The following ABI3BP variants were observed in gnomAD, a reference collection of about 807,000 sequenced individuals.
The protein encoded by ABI3BP is target of Nesh-SH3.
A neutral mutation model predicts 268.6 loss-of-function variants in ABI3BP; 216 were observed. The observed-to-expected ratio is 0.80, with a 90% CI of 0.72 to 0.90. The LOEUF (loss-of-function observed/expected upper bound fraction) is 0.90. Ranked by LOEUF, ABI3BP falls within the 40% of genes least tolerant of loss-of-function variation. ABI3BP has a pLI of 0.00. For missense variants in ABI3BP, 2,090 were observed against 2,182.4 expected (o/e 0.96, Z 0.84); for synonymous variants, 730 against 730.0 (o/e 1.00, Z 0.00).
chr3:100,837,382 T>G lies in ABI3BP; in HGVS notation c.2084-211A>C, dbSNP rs150269556. Reference sequence around the variant, plus strand: ...TGGAATCTTGGGAGAAAATTTCAACTGCAAAACAGTTGGATTCTGAGAACT... The same window carrying G: ...TGGAATCTTGGGAGAAAATTTCAACGGCAAAACAGTTGGATTCTGAGAACT... On this transcript the variant is annotated intron_variant, in intron 26 of 67. Coordinates refer to ENST00000471714, the MANE Select transcript of ABI3BP (RefSeq NM_001375547.2). 1,778 of 455,280 alleles carry G rather than the reference T, an allele frequency of 3.9e-3. 22 individuals carry two copies. The highest frequency in any genetic ancestry group is 0.032 in the African/African-American group (1,594 of 49,206). 28.2% of individuals were successfully genotyped at this position (455,280 alleles called of 1,614,324 possible).
intron 1 of ABI3BP, among the ~76,000 whole-genome samples, chr3:100,992,785 C>T (rs1464699017): frequency 2.1e-4 from 32 of 152,212 alleles, no homozygotes; most frequent in Admixed American, 2.1e-3. Context: ...CCAAACTCCA[C>T]TGGAGGGACG....
chr3:100,860,860 T>A (rs2098990185), intron 14 of ABI3BP, among the ~76,000 whole-genome samples: 1 of 152,152 alleles, frequency 6.6e-6, no homozygotes, highest in African/African-American at 2.4e-5. Flanking sequence ...TTGGCTCAGG[T>A]GCTCCTGAGG....
chr3:100,979,309 C>T (rs1398930220), intron 1 of ABI3BP, among the ~76,000 whole-genome samples: 1 of 152,134 alleles, frequency 6.6e-6, no homozygotes, highest in East Asian at 1.9e-4. Context: ...AATTATCTTC[C>T]ACAACCAGGC....
chr3:100,983,046 G>A (rs922616733), intron 1 of ABI3BP, among the ~76,000 whole-genome samples: 4 of 152,188 alleles, frequency 2.6e-5, no homozygotes, highest in Non-Finnish European at 1.5e-5. Context: ...GTGCACAGTG[G>A]CCTCTCAGGA....
intron 1 of ABI3BP, chr3:100,952,693 A>C (rs1172744632): frequency 6.6e-6 from 1 of 152,206 alleles, no homozygotes; most frequent in African/African-American, 2.4e-5. Flanking sequence ...TGGCTCTTGC[A>C]CAAGAATGAC....
chr3:100,774,692 G>T lies in ABI3BP; in HGVS notation c.4463-19C>A. ...ATATTTTCTGAGAATGGAAAATAAT[G>T]AACAGTTTTGGCAAAAGATAAAAAA... On this transcript the variant is annotated intron_variant, in intron 60 of 67. Coordinates refer to ENST00000471714, the MANE Select transcript of ABI3BP (RefSeq NM_001375547.2). 2 of 1,528,984 alleles carry T rather than the reference G, an allele frequency of 1.3e-6. No individual in the cohort carries two copies. The highest frequency in any genetic ancestry group is 1.2e-5 in the South Asian group (1 of 80,682). 94.7% of individuals were successfully genotyped at this position (1,528,984 alleles called of 1,614,324 possible). A position where few individuals can be genotyped will look rare whatever the true frequency, so the allele number is the denominator to read the frequency against.
intron 51 of ABI3BP, among the ~76,000 whole-genome samples, chr3:100,803,193 T>C (rs2097580575): frequency 6.8e-6 from 1 of 146,306 alleles, no homozygotes. Context: ...TCTCTTACTC[T>C]GCTCGTTCAA....
chr3:100,890,861 T>C (rs2044289737), intron 4 of ABI3BP, among the ~76,000 whole-genome samples: 1 of 152,128 alleles, frequency 6.6e-6, no homozygotes, highest in African/African-American at 2.4e-5. Context: ...AGTTGTCAAA[T>C]CCAAGTATAT....
At chr3:100,918,314 G>A (rs573942094) in intron 2 of ABI3BP, among the ~76,000 whole-genome samples, 5 of 147,058 alleles carry the variant, frequency 3.4e-5, no homozygotes, top group African/African-American at 5.0e-5. Context: ...CCATCCACCC[G>A]TCCACCTGTC....
rs376662738 is a variant in ABI3BP, at chr3:100,770,940, C to T, written c.4544G>A (p.Arg1515Gln). Reference protein sequence around the residue: ...GKPRFKGPHVRYIQKPDNSPC... With the variant: ...GKPRFKGPHVQYIQKPDNSPC... ...ACTGTTGTCAGGCTTTTGGATGTAT[C>T]GCACATGAGGTCCTACGAGAGAGAG... is the stretch of plus-strand genomic sequence containing the variant. Residue 1515 changes from arginine to glutamine, a missense_variant, in exon 62 of 68, where the codon CGA becomes CAA. Physicochemically the swap from Arg to Gln is conservative, Grantham distance 43 (BLOSUM62 1). Transcript: ENST00000471714. 1.5e-5 allele frequency: 24 copies of T among 1,584,792 alleles called. 1 individual carries two copies. The highest frequency in any genetic ancestry group is 9.4e-6 in the Non-Finnish European group (11 of 1,165,174).
At position 100,749,764 on chromosome 3, in the gene ABI3BP, G is replaced by C. The variant is rs2095222507; in HGVS notation, c.*731C>G. 7.5e-6 allele frequency: 3 copies of C among 397,922 alleles called. No homozygotes were observed. Among genetic ancestry groups the C allele is most frequent in the Non-Finnish European group, 8.9e-6 (2 of 225,702 alleles). 24.6% of individuals were successfully genotyped at this position (397,922 alleles called of 1,614,324 possible). On this transcript the variant is annotated 3_prime_UTR_variant, in exon 68 of 68. Coordinates refer to ENST00000471714, the MANE Select transcript of ABI3BP (RefSeq NM_001375547.2). ...AGACGATTGCATAAAGGGATAGTTT[G>C]ACAAAGCATATTCAGATATTGTAAC...
chr3:100,868,447 T>C (rs1298822410), intron 9 of ABI3BP, among the ~76,000 whole-genome samples: 1 of 152,258 alleles, frequency 6.6e-6, no homozygotes, highest in Non-Finnish European at 1.5e-5. Context: ...CAAAATTCTT[T>C]GAACATGTAT....
chr3:100,934,077 C>A (rs1288389208), intron 1 of ABI3BP, among the ~76,000 whole-genome samples: 2 of 151,930 alleles, frequency 1.3e-5, no homozygotes, highest in Non-Finnish European at 2.9e-5. Context: ...TGGTTTGCTG[C>A]ACCTATCAAG....
chr3:100,782,047 A>G (rs2096881418), intron 57 of ABI3BP, among the ~76,000 whole-genome samples: 1 of 152,176 alleles, frequency 6.6e-6, no homozygotes, highest in Non-Finnish European at 1.5e-5. Context: ...TATTCCTCAT[A>G]GTAACTCTGA....
At position 100,770,865 on chromosome 3, in the gene ABI3BP, G is replaced by A. The variant is rs377548768; in HGVS notation, c.4619C>T (p.Thr1540Ile). 1.1e-5 allele frequency: 18 copies of A among 1,604,872 alleles called. No individual in the cohort carries two copies. The African/African-American group carries it at 2.3e-4, about 20-fold the overall frequency. ...TGGTGGGCTGGTGGCATTCCCCTCT[G>A]TGGCCTCCTCTTTGGGGAACCGTTT... ...SVKRFPKEEA[T>I]EGNATSPPQN... is the part of the protein sequence containing the mutation. Residue 1540 changes from threonine (T) to isoleucine (I), a missense_variant, in exon 62 of 68, where the codon ACA (threonine) becomes ATA (isoleucine). Physicochemically the swap from Thr to Ile is moderately conservative, Grantham distance 89. Coordinates refer to ENST00000471714, the MANE Select transcript of ABI3BP (RefSeq NM_001375547.2).
At chr3:100,926,646 A>G (rs2061889471) in intron 1 of ABI3BP, among the ~76,000 whole-genome samples, 165 bp from the exon 2 acceptor site, 1 of 152,174 alleles carries the variant, frequency 6.6e-6, no homozygotes, top group Non-Finnish European at 1.5e-5. Context: ...AAATGAAGCT[A>G]AATAACATAG....
At chr3:100,956,260 CATAT>C (rs1303968010) in intron 1 of ABI3BP, among the ~76,000 whole-genome samples, 1,082 of 97,312 alleles carry the variant, frequency 0.011, 20 homozygotes, top group African/African-American at 0.038. Flanking sequence ...CACACACACA[CATAT>C]GGCATGTCAA....
At chr3:100,868,006 T>C (rs1436029181) in intron 9 of ABI3BP, among the ~76,000 whole-genome samples, 2 of 152,226 alleles carry the variant, frequency 1.3e-5, no homozygotes, top group Non-Finnish European at 2.9e-5. Flanking sequence ...ATAATTAGGA[T>C]TAATTCTATT....
chr3:100,945,078 C>T (rs1047110840), intron 1 of ABI3BP, among the ~76,000 whole-genome samples: 1 of 152,146 alleles, frequency 6.6e-6, no homozygotes, highest in Non-Finnish European at 1.5e-5. Flanking sequence ...CAAATTCATT[C>T]TCAATCTAAT....
Sources: allele counts gnomAD v4.1 joint callset (sites outside exome capture counted in the v4.1 genomes callset), GRCh38; gene constraint gnomAD v4.1.1; transcripts MANE v1.5; gene names NCBI Gene and HGNC (gene_info 2026-07-23, HGNC 2026-07-21).